Variants in GPHN observed in about 807,000 individuals in gnomAD.
The protein encoded by GPHN is gephyrin.
In GPHN, 17 loss-of-function variants were observed where a neutral mutation model predicts 95.5. The observed-to-expected ratio is 0.18, with a 90% CI of 0.12 to 0.27. GPHN has a LOEUF of 0.27. Ranked by LOEUF, GPHN falls within the 10% of genes least tolerant of loss-of-function variation. GPHN has a pLI of 1.00. For synonymous variants in GPHN, 320 were observed against 322.5 expected, an observed-to-expected ratio of 0.99 and a Z score of 0.08; for missense variants, 660 against 978.1, an observed-to-expected ratio of 0.67 and a Z score of 4.34.
At chr14:67,467,643 TTTTAA>T in the GPHN span, 1 of 152,212 alleles carries the variant, frequency 6.6e-6, no homozygotes, top group African/African-American at 2.4e-5. Context: ...TTCCCAAACA[TTTTAA>T]TTTAACTGCA....
At chr14:67,155,533 A>G (rs1052289510) in intron 18 of GPHN, among the ~76,000 whole-genome samples, 1 of 152,222 alleles carries the variant, frequency 6.6e-6, no homozygotes, top group African/African-American at 2.4e-5. Flanking sequence ...AAAAGGGATG[A>G]CAAAGTGGGA....
chr14:67,128,837 G>T (rs556724465), intron 17 of GPHN, among the ~76,000 whole-genome samples: 4 of 149,186 alleles, frequency 2.7e-5, no homozygotes, highest in Non-Finnish European at 5.9e-5. Context: ...TTTTTGAGAC[G>T]GAGTTTCGCT....
At chr14:67,221,866 C>G in the GPHN span, 3 of 1,595,196 alleles carry the variant, frequency 1.9e-6, no homozygotes, top group Non-Finnish European at 2.6e-6. Context: ...GTAGTCATCT[C>G]TGGTTCCTAG....
chr14:67,413,493 T>C, the GPHN span, among the ~76,000 whole-genome samples: 2 of 152,118 alleles, frequency 1.3e-5, no homozygotes, highest in Admixed American at 6.5e-5. Context: ...AAGAGAAGGC[T>C]CTAGAGAGGA....
intron 1 of GPHN, among the ~76,000 whole-genome samples, chr14:66,536,518 C>T (rs1186080260): frequency 1.6e-5 from 2 of 128,694 alleles, no homozygotes; most frequent in Non-Finnish European, 3.1e-5. Flanking sequence ...TGTAATAGTC[C>T]TTTATTATAA....
chr14:66,786,766 A>T (rs1378672497), intron 3 of GPHN, among the ~76,000 whole-genome samples: 1 of 152,144 alleles, frequency 6.6e-6, no homozygotes, highest in East Asian at 1.9e-4. Context: ...CGAGCTAAAG[A>T]TGAAAAATCA....
At chr14:67,324,981 T>C in the GPHN span, among the ~76,000 whole-genome samples, 1,655 of 145,120 alleles carry the variant, frequency 0.011, 20 homozygotes, top group Middle Eastern at 0.017. Flanking sequence ...CTCGGCTGAC[T>C]GCAAGCTCCG....
intron 1 of GPHN, among the ~76,000 whole-genome samples, chr14:66,651,665 G>C (rs766388868): frequency 1.3e-5 from 2 of 152,094 alleles, no homozygotes; most frequent in Non-Finnish European, 2.9e-5. Context: ...CTAGACTAAA[G>C]TCAAGGCGGA....
chr14:66,804,147 T>G (rs2060460169), intron 3 of GPHN, among the ~76,000 whole-genome samples: 1 of 152,170 alleles, frequency 6.6e-6, no homozygotes, highest in South Asian at 2.1e-4. Flanking sequence ...CCTTCTTCTG[T>G]AGGCAGAAAG....
At chr14:67,203,052 A>G in the GPHN span, 3 of 1,585,222 alleles carry the variant, frequency 1.9e-6, no homozygotes, top group Non-Finnish European at 2.6e-6. Flanking sequence ...TCAAAGCCAC[A>G]CATTTCATCA....
At chr14:67,201,563 C>T in the GPHN span, 3 of 455,376 alleles carry the variant, frequency 6.6e-6, no homozygotes, top group Non-Finnish European at 1.3e-5. Flanking sequence ...AGGATACCTC[C>T]TGTATGTCTT....
chr14:67,478,767 T>C, the GPHN span, among the ~76,000 whole-genome samples: 1 of 152,104 alleles, frequency 6.6e-6, no homozygotes, highest in East Asian at 1.9e-4. Context: ...AGGACTTTCC[T>C]AAGCACCCTG....
At chr14:66,554,327 T>A (rs1352166367) in intron 1 of GPHN, among the ~76,000 whole-genome samples, 1 of 152,186 alleles carries the variant, frequency 6.6e-6, no homozygotes, top group African/African-American at 2.4e-5. Context: ...TGGATTACAT[T>A]TTGCTCTTAT....
chr14:67,463,571 G>A, the GPHN span, among the ~76,000 whole-genome samples: 4 of 150,538 alleles, frequency 2.7e-5, no homozygotes, highest in Admixed American at 2.6e-4. Context: ...CCTGGGAGGC[G>A]GAGGTTGCAG....
chr14:67,652,979 A>T, the GPHN span, among the ~76,000 whole-genome samples: 1 of 152,054 alleles, frequency 6.6e-6, no homozygotes, highest in African/African-American at 2.4e-5. Context: ...TTTAGTAGAG[A>T]CGGGTTTCAC....
chr14:66,687,789 A>C (rs1221524212), intron 2 of GPHN, among the ~76,000 whole-genome samples: 2 of 152,084 alleles, frequency 1.3e-5, no homozygotes, highest in Non-Finnish European at 2.9e-5. Context: ...GTGCCTGGCC[A>C]ATATTATTTC....
At chr14:67,503,682 C>CT in the GPHN span, 110,196 of 151,484 alleles carry the variant, frequency 0.73, 41,912 homozygotes, top group Non-Finnish European at 0.85. Flanking sequence ...CCTCAGCTTA[C>CT]TTTTTTTAAA....
intron 10 of GPHN, among the ~76,000 whole-genome samples, chr14:67,026,119 G>C (rs550803953): frequency 6.6e-6 from 1 of 152,106 alleles, no homozygotes; most frequent in Non-Finnish European, 1.5e-5. Context: ...CTTATTTGCT[G>C]TGTGAACTTG....
At chr14:67,513,403 CTA>C in the GPHN span, among the ~76,000 whole-genome samples, 1 of 152,200 alleles carries the variant, frequency 6.6e-6, no homozygotes, top group African/African-American at 2.4e-5. Flanking sequence ...GGCCACAAAT[CTA>C]TAGCTCAGGG....
Sources: gnomAD v4.1 joint callset for allele counts (sites outside exome capture counted in the v4.1 genomes callset) on GRCh38, gnomAD v4.1.1 for gene constraint, MANE v1.5 for transcripts, NCBI Gene and HGNC (gene_info 2026-07-23, HGNC 2026-07-21) for gene names.